TIA1: variants seen among roughly 807,000 people sequenced by gnomAD.
TIA1 encodes cytotoxic granule associated RNA binding protein TIA1.
Under a neutral mutation model 65.9 loss-of-function variants are expected in TIA1, and 23 were observed. That is an observed-to-expected ratio of 0.35 (90% confidence interval 0.25 to 0.49). The LOEUF is 0.49. TIA1 is among the 20% of genes least tolerant of loss of function. The probability of loss-of-function intolerance (pLI) is 0.98; values close to 1 mark genes in which losing one functional copy is unlikely to be tolerated. For missense variants in TIA1, 371 were observed against 477.9 expected (o/e 0.78, Z 2.09); for synonymous variants, 147 against 149.4 (o/e 0.98, Z 0.12).
chr2:70,245,042 G>A (rs529288156), intron 1 of TIA1, among the ~76,000 whole-genome samples: 2 of 152,178 alleles, frequency 1.3e-5, no homozygotes, highest in African/African-American at 4.8e-5. Flanking sequence ...CTGGAGTGCA[G>A]TGGCGTGATC....
In TIA1 at chr2:70,248,456, C is replaced by G; in HGVS notation, c.-26G>C. On this transcript the variant is annotated 5_prime_UTR_variant, in exon 1 of 13. Coordinates refer to ENST00000433529, the MANE Select transcript of TIA1 (RefSeq NM_022173.4). ...GGCTGCTGCTGTCGCGGCGGCGCCT[C>G]CAGGTCCAGCTCCCTGCCCTTCACT... The G allele has an allele frequency of 6.2e-7, 1 of 1,600,790 alleles. No homozygotes were observed. The highest frequency in any genetic ancestry group is 8.5e-7 in the Non-Finnish European group (1 of 1,179,960).
intron 5 of TIA1, 79 bp downstream of exon 5, chr2:70,228,980 T>C (rs1177932897): frequency 2.1e-6 from 1 of 478,252 alleles, no homozygotes; most frequent in Non-Finnish European, 2.8e-6. Context: ...CTCCCCCAAA[T>C]ATCAAACAAA....
At position 70,231,114 on chromosome 2, in the gene TIA1, G is replaced by A. The variant is rs940631682; in HGVS notation, c.124-260C>T. ...GCAGTTTGAGACCAACTTGGCCAAC[G>A]TGGTGAAACCCTGTCTCTATTAAAA... On this transcript the variant is annotated intron_variant, in intron 2 of 12. Coordinates refer to ENST00000433529, the MANE Select transcript of TIA1 (RefSeq NM_022173.4). Among the ~76,000 whole-genome samples the A allele has an allele frequency of 4.6e-5, 7 of 151,988 alleles. No homozygotes were observed. The East Asian group carries it at 7.7e-4, about 17-fold the overall frequency.
At chr2:70,226,851 T>G (rs1025658077) in intron 6 of TIA1, among the ~76,000 whole-genome samples, 1 of 152,152 alleles carries the variant, frequency 6.6e-6, no homozygotes, top group African/African-American at 2.4e-5. Context: ...AGTTGGTAAT[T>G]CCTTGGTCAC....
At position 70,236,060 on chromosome 2, in the gene TIA1, C is replaced by T. The variant is rs1286803801; in HGVS notation, c.123+19G>A. ...GTAAAAAAAAAAAGAATAAAGTTAA[C>T]TAAGTAAAATACCCTTACATCCATA... On this transcript the variant is annotated intron_variant, in intron 2 of 12. Transcript: ENST00000433529. 2 of 1,434,548 alleles carry T rather than the reference C, an allele frequency of 1.4e-6. No homozygotes were observed. The highest frequency in any genetic ancestry group is 1.4e-5 in the African/African-American group (1 of 69,146). 88.9% of individuals were successfully genotyped at this position (1,434,548 alleles called of 1,614,324 possible).
chr2:70,241,600 A>T (rs1691763796), intron 1 of TIA1, among the ~76,000 whole-genome samples: 1 of 152,052 alleles, frequency 6.6e-6, no homozygotes, highest in Admixed American at 6.6e-5. Context: ...GTAAGTTAAG[A>T]AAAAAGAAGT....
intron 2 of TIA1, among the ~76,000 whole-genome samples, chr2:70,232,540 C>CAAAAAGA (rs1686924780): frequency 2.5e-5 from 1 of 40,268 alleles, no homozygotes; most frequent in Non-Finnish European, 4.4e-5. Context: ...AACTCTGTCT[C>CAAAAAGA]AAAAAAAAAA....
At chr2:70,240,058 T>A (rs754739679) in intron 1 of TIA1, among the ~76,000 whole-genome samples, 1 of 152,156 alleles carries the variant, frequency 6.6e-6, no homozygotes, top group Non-Finnish European at 1.5e-5. Context: ...ACATGAACAG[T>A]TGGTGTGGAA....
intron 1 of TIA1, among the ~76,000 whole-genome samples, chr2:70,238,260 G>GTTTTTTTTTTTTTTTTTTT (rs763865705): frequency 2.1e-5 from 2 of 94,596 alleles, no homozygotes; most frequent in Admixed American, 1.1e-4. Flanking sequence ...GTTCCCCCAA[G>GTTTTTTTTTTTTTTTTTTT]TTTTTTTTTT....
chr2:70,229,352 C>G, intron 3 of TIA1, 34 bp from the exon 4 acceptor site: 4 of 1,567,100 alleles, frequency 2.6e-6, no homozygotes, highest in Non-Finnish European at 2.6e-6. Context: ...TTATACTTCA[C>G]AAAAATAAAG....
In TIA1 at chr2:70,214,504, A is replaced by G. The variant is rs760679557; in HGVS notation, c.889-10T>C. 1.9e-6 allele frequency: 3 copies of G among 1,601,658 alleles called. No individual in the cohort carries two copies. In the South Asian group the frequency reaches 3.4e-5, roughly 18 times the overall value. ...ATCCAATTTGATTCTGCTATTAAAT[A>G]AAATTTAGTATTACTTGAAGTTAAC... On this transcript the variant is annotated splice_polypyrimidine_tract_variant and intron_variant, in intron 11 of 12. Coordinates refer to ENST00000433529, the MANE Select transcript of TIA1 (RefSeq NM_022173.4).
At position 70,227,934 on chromosome 2, in the gene TIA1, G is replaced by A. The variant is rs189131408; in HGVS notation, c.311-112C>T. 1,174 of 556,998 alleles carry A rather than the reference G, an allele frequency of 2.1e-3. 4 individuals carry two copies. Among genetic ancestry groups the A allele is most frequent in the Non-Finnish European group, 3.0e-3 (1,003 of 329,944 alleles). The allele number at this position is 556,998 out of a possible 1,614,324, so 34.5% of individuals were successfully genotyped here. ...TAAAATGATTATGGCTTATGATAAA[G>A]TATAAATAAAACACTATCCTATATC... On this transcript the variant is annotated intron_variant, in intron 5 of 12. Transcript: ENST00000433529.
At chr2:70,213,267 C>T (rs1677064814) in intron 12 of TIA1, among the ~76,000 whole-genome samples, 1 of 151,400 alleles carries the variant, frequency 6.6e-6, no homozygotes, top group African/African-American at 2.4e-5. Flanking sequence ...TTATACTACT[C>T]AAAGAAGAAA....
rs1682722602 is a variant in TIA1, at chr2:70,224,009, C to CT, written c.474+544dup. Reference sequence around the variant, plus strand: ...CTCGGCTCACTGCAACCTGTGCCTCCTGGGTTCAAGTGATCCTCCTGCCTC... The same window carrying CT: ...CTCGGCTCACTGCAACCTGTGCCTCCTTGGGTTCAAGTGATCCTCCTGCCTC... On this transcript the variant is annotated intron_variant, in intron 7 of 12. Coordinates refer to ENST00000433529, the MANE Select transcript of TIA1 (RefSeq NM_022173.4). 2.6e-5 allele frequency among the ~76,000 whole-genome samples: 4 copies of CT among 152,268 alleles called. No individual in the cohort carries two copies. In the South Asian group the frequency reaches 8.3e-4, roughly 32 times the overall value.
intron 1 of TIA1, among the ~76,000 whole-genome samples, chr2:70,238,260 GTTTTTT>G (rs763865705): frequency 1.2e-4 from 11 of 94,614 alleles, no homozygotes; most frequent in African/African-American, 2.2e-4. Context: ...GTTCCCCCAA[GTTTTTT>G]TTTTTTTTTT....
chr2:70,245,279 G>A (rs1000485654), intron 1 of TIA1, among the ~76,000 whole-genome samples: 3 of 152,164 alleles, frequency 2.0e-5, no homozygotes, highest in Non-Finnish European at 2.9e-5. Flanking sequence ...GAGCCACCAT[G>A]CCTGGCCAGC....
intron 5 of TIA1, chr2:70,228,761 G>T: frequency 1.5e-6 from 2 of 1,304,428 alleles, no homozygotes; most frequent in Non-Finnish European, 1.9e-6. Context: ...TGGAAGATCT[G>T]GGTATGAAGC....
chr2:70,215,560 T>G (rs1222212041), intron 10 of TIA1, 66 bp from the exon 11 acceptor site: 7 of 1,447,996 alleles, frequency 4.8e-6, no homozygotes, highest in Non-Finnish European at 6.5e-6. Flanking sequence ...TAAAACCTAT[T>G]TTTAAAAATC....
rs1558762613 is a variant in TIA1 at position 70,216,301 on chromosome 2, C to G, written c.680-9G>C. ...CTGACGCATTAGTTGTTCTGTTAGA[C>G]AAAAAACCAAAACAAACAAATCACA... is the stretch of plus-strand genomic sequence containing the variant. On this transcript the variant is annotated splice_polypyrimidine_tract_variant and intron_variant, in intron 9 of 12. Transcript: ENST00000433529. The G allele has an allele frequency of 1.3e-6, 2 of 1,583,886 alleles. No individual in the cohort carries two copies. The highest frequency in any genetic ancestry group is 2.0e-5 in the Admixed American group (1 of 50,718).
Sources: gnomAD v4.1 joint callset for allele counts (sites outside exome capture counted in the v4.1 genomes callset) on GRCh38, gnomAD v4.1.1 for gene constraint, MANE v1.5 for transcripts, NCBI Gene and HGNC (gene_info 2026-07-23, HGNC 2026-07-21) for gene names.